Variants in PCDHGA2 observed in about 807,000 individuals in gnomAD.
The protein encoded by PCDHGA2 is protocadherin gamma-A2.
In PCDHGA2, 40 loss-of-function variants were observed where a neutral mutation model predicts 59.2. The observed-to-expected ratio is 0.68, with a 90% CI of 0.52 to 0.88. The LOEUF is 0.88. Ranked by LOEUF, PCDHGA2 falls within the 40% of genes least tolerant of loss-of-function variation. The pLI is 0.00. For synonymous variants in PCDHGA2, 560 were observed against 526.0 expected, an observed-to-expected ratio of 1.06 and a Z score of -0.89; for missense variants, 1,226 against 1,204.0, an observed-to-expected ratio of 1.02 and a Z score of -0.27.
chr5:141,415,890 C>A lies in PCDHGA2; in HGVS notation c.2424+74495C>A, dbSNP rs2095969500. The A allele has an allele frequency of 9.7e-6, 9 of 931,410 alleles. No homozygotes were observed. In the South Asian group the frequency reaches 2.3e-4, roughly 24 times the overall value. 57.7% of individuals were successfully genotyped at this position (931,410 alleles called of 1,614,324 possible). On this transcript the variant is annotated intron_variant, in intron 1 of 3. Coordinates refer to ENST00000394576, the MANE Select transcript of PCDHGA2 (RefSeq NM_018915.4). Reference sequence around the variant, plus strand: ...GTTGTTGAGTACAATATTGACAATTCCTAAGACAGACTTCCATACAGAAGT... The same window carrying A: ...GTTGTTGAGTACAATATTGACAATTACTAAGACAGACTTCCATACAGAAGT...
rs866649962 is a variant in PCDHGA2 at position 141,482,106 on chromosome 5, T to A, written c.2425-12701T>A. Reference sequence around the variant, plus strand: ...CTCCATCTCAAAAAAAAAAAAAAAATATCTAGAGATGGGAGAATCATATGG... The same window carrying A: ...CTCCATCTCAAAAAAAAAAAAAAAAAATCTAGAGATGGGAGAATCATATGG... On this transcript the variant is annotated intron_variant, in intron 1 of 3. Transcript: ENST00000394576. 2.5e-3 allele frequency among the ~76,000 whole-genome samples: 342 copies of A among 138,882 alleles called. 1 individual carries two copies. Among genetic ancestry groups the A allele is most frequent in the Middle Eastern group, 0.011 (3 of 272 alleles). 91.1% of individuals were successfully genotyped at this position (138,882 alleles called of 152,430 possible). A position where few individuals can be genotyped will look rare whatever the true frequency, so the allele number is the denominator to read the frequency against.
At chr5:141,448,654 A>G (rs966383140) in intron 1 of PCDHGA2, among the ~76,000 whole-genome samples, 1 of 152,048 alleles carries the variant, frequency 6.6e-6, no homozygotes, top group African/African-American at 2.4e-5. Context: ...AAATATTTCC[A>G]TATTGGCCGG....
At chr5:141,361,619 A>G in intron 1 of PCDHGA2, 4 of 1,613,920 alleles carry the variant, frequency 2.5e-6, no homozygotes, top group Non-Finnish European at 3.4e-6. Context: ...GTAGCGAGCG[A>G]CCTGAAGCCG....
At position 141,339,115 on chromosome 5, in the gene PCDHGA2, C is replaced by G. The variant is rs150708423; in HGVS notation, c.144C>G (p.Ile48Met). The change falls in exon 1 of 4, where the codon ATC (isoleucine) becomes ATG (methionine). Residue 48 changes from isoleucine to methionine, a missense_variant. Transcript: ENST00000394576. ...EIDRGSFVGN[I>M]AKDLGLEPLA... is the part of the protein sequence containing the mutation. ...ACAGAGGCTCCTTCGTAGGCAACATCGCCAAGGACTTGGGTTTGGAGCCCC... is the reference window on the plus strand; with the variant it reads ...ACAGAGGCTCCTTCGTAGGCAACATGGCCAAGGACTTGGGTTTGGAGCCCC... The G allele has an allele frequency of 7.4e-6, 12 of 1,614,116 alleles. No individual in the cohort carries two copies. The African/African-American group carries it at 1.5e-4, about 20-fold the overall frequency.
intron 1 of PCDHGA2, chr5:141,343,826 TCCA>T (rs991309299): frequency 4.1e-6 from 2 of 489,242 alleles, no homozygotes; most frequent in Non-Finnish European, 3.6e-6. Flanking sequence ...GGAGAACTAG[TCCA>T]CCATTTCCTT....
intron 1 of PCDHGA2, among the ~76,000 whole-genome samples, chr5:141,380,098 C>T (rs1242678914): frequency 1.3e-5 from 2 of 151,806 alleles, no homozygotes; most frequent in African/African-American, 4.8e-5. Context: ...TGGGGTTTTA[C>T]CATGATGGCC....
In PCDHGA2 at chr5:141,405,165, C is replaced by G. The variant is rs745998723; in HGVS notation, c.2424+63770C>G. 1.9e-6 allele frequency: 3 copies of G among 1,613,978 alleles called. No individual in the cohort carries two copies. In the South Asian group the frequency reaches 3.3e-5, roughly 18 times the overall value. On this transcript the variant is annotated intron_variant, in intron 1 of 3. Transcript: ENST00000394576. Reference sequence around the variant, plus strand: ...GATGGGTTGGCTGGTGTGCCCACCTCACACTTTGTGGGTGTAGATGGGGTT... The same window carrying G: ...GATGGGTTGGCTGGTGTGCCCACCTGACACTTTGTGGGTGTAGATGGGGTT...
At chr5:141,389,933 G>A (rs774443122) in intron 1 of PCDHGA2, 7 of 1,614,068 alleles carry the variant, frequency 4.3e-6, no homozygotes, top group Non-Finnish European at 5.9e-6. Context: ...CTGACCTCCA[G>A]GCTGAGCTGC....
rs768812729 is a variant in PCDHGA2, at chr5:141,491,543, A to T, written c.2425-3264A>T. 2.5e-6 allele frequency: 4 copies of T among 1,613,842 alleles called. No individual in the cohort carries two copies. The highest frequency in any genetic ancestry group is 3.4e-6 in the Non-Finnish European group (4 of 1,179,982). The stretch of plus-strand genomic sequence containing the variant: ...ATGGAGGTGACGCTGCGGCCCACAG[A>T]CTCGCAGAGCCACTGCTACAGGACG... On this transcript the variant is annotated intron_variant, in intron 1 of 3. Transcript: ENST00000394576. This position sits in a 1 kb window ranked among gnomAD's most constrained non-coding sequence, Gnocchi z 6.9.
At chr5:141,360,210 C>T (rs748051773) in intron 1 of PCDHGA2, 2 of 1,613,122 alleles carry the variant, frequency 1.2e-6, no homozygotes, top group Non-Finnish European at 1.7e-6. Context: ...TGTCTTTGTT[C>T]CCCGGGGCTC....
intron 1 of PCDHGA2, among the ~76,000 whole-genome samples, chr5:141,373,021 T>C (rs2150016771): frequency 6.6e-6 from 1 of 152,328 alleles, no homozygotes; most frequent in Non-Finnish European, 1.5e-5. Flanking sequence ...CTTTTGATAG[T>C]CTTGAAACTT....
In PCDHGA2 at chr5:141,438,090, A is replaced by G. The variant is rs560861677; in HGVS notation, c.2425-56717A>G. 1.2e-4 allele frequency among the ~76,000 whole-genome samples: 18 copies of G among 152,310 alleles called. No individual in the cohort carries two copies. In the South Asian group the frequency reaches 3.5e-3, roughly 30 times the overall value. ...CATACTTAATGGAAAATTACCAGTA[A>G]CAGGGCATACTGTTTAGGATGCATT... On this transcript the variant is annotated intron_variant, in intron 1 of 3. Coordinates refer to ENST00000394576, the MANE Select transcript of PCDHGA2 (RefSeq NM_018915.4).
chr5:141,344,824 T>C (rs755674373), intron 1 of PCDHGA2: 10 of 1,613,956 alleles, frequency 6.2e-6, no homozygotes, highest in Non-Finnish European at 8.5e-6. Context: ...CTGCTCACGG[T>C]GAATGCCACT....
intron 1 of PCDHGA2, chr5:141,387,785 G>A: frequency 6.8e-7 from 1 of 1,472,108 alleles, no homozygotes; most frequent in Non-Finnish European, 9.1e-7. Flanking sequence ...AACTGGAACT[G>A]CAACTAAAGT....
intron 1 of PCDHGA2, chr5:141,415,035 C>G (rs368588973): frequency 5.6e-6 from 9 of 1,613,578 alleles, no homozygotes; most frequent in South Asian, 1.1e-5. Context: ...AGCCGGGACT[C>G]TTCGCGGTGG....
At chr5:141,418,124 C>A (rs762154093) in intron 1 of PCDHGA2, 33 of 1,613,836 alleles carry the variant, frequency 2.0e-5, no homozygotes, top group East Asian at 1.3e-4. Flanking sequence ...TGTGAAGGAC[C>A]GAATAGACCG....
intron 3 of PCDHGA2, among the ~76,000 whole-genome samples, chr5:141,509,751 A>T (rs1430265981): frequency 6.6e-6 from 1 of 151,998 alleles, no homozygotes; most frequent in Admixed American, 6.5e-5. Flanking sequence ...CCTGTGCCTA[A>T]AGTGTCCCTG....
At chr5:141,414,919 G>A (rs2095801962) in intron 1 of PCDHGA2, 2 of 1,614,050 alleles carry the variant, frequency 1.2e-6, no homozygotes, top group African/African-American at 2.7e-5. Context: ...CGTGGAGCTG[G>A]CGCCCCGCTC....
At position 141,375,854 on chromosome 5, in the gene PCDHGA2, G is replaced by A. The variant is rs937512272; in HGVS notation, c.2424+34459G>A. 3.1e-6 allele frequency: 5 copies of A among 1,613,934 alleles called. No homozygotes were observed. The South Asian group carries it at 5.5e-5, about 18-fold the overall frequency. ...AGAGCCCGGCTACCTGGTGACCAAG[G>A]TGGTGGCGGTGGACAGAGACTCGGG... On this transcript the variant is annotated intron_variant, in intron 1 of 3. Coordinates refer to ENST00000394576, the MANE Select transcript of PCDHGA2 (RefSeq NM_018915.4).
Sources: allele counts gnomAD v4.1 joint callset (sites outside exome capture counted in the v4.1 genomes callset), GRCh38; gene constraint gnomAD v4.1.1; non-coding constraint Gnocchi (gnomAD v3.1); transcripts MANE v1.5; gene names NCBI Gene and HGNC (gene_info 2026-07-23, HGNC 2026-07-21).